Variants in ACBD5 observed in about 807,000 individuals in gnomAD.
ACBD5 encodes acyl-CoA-binding domain-containing protein 5.
ACBD5 carries 40 observed loss-of-function variants against 71.8 expected under a neutral mutation model. That is an observed-to-expected ratio of 0.56 (90% CI 0.43 to 0.72). The LOEUF (loss-of-function observed/expected upper bound fraction) is 0.72, where lower values mean the gene tolerates loss of function less well. Among genes scored for constraint, ACBD5 ranks in the 30% least tolerant of loss-of-function variants. The pLI is 0.00. For missense variants in ACBD5, 559 were observed against 644.5 expected (o/e 0.87, Z 1.44); for synonymous variants, 229 against 218.6 (o/e 1.05, Z -0.42).
intron 5 of ACBD5, among the ~76,000 whole-genome samples, chr10:27,222,532 C>A (rs879634245): frequency 1.3e-4 from 19 of 151,976 alleles, no homozygotes; most frequent in Admixed American, 5.9e-4. Context: ...ATAGTTAAAC[C>A]ACACCCTAAA....
chr10:27,193,833 G>A (rs1364520227), downstream of ACBD5, among the ~76,000 whole-genome samples: 1 of 152,194 alleles, frequency 6.6e-6, no homozygotes, highest in Non-Finnish European at 1.5e-5. Context: ...CGAAGGAAAA[G>A]ACCCAGTTAC....
At chr10:27,236,545 T>C (rs1019491841) in intron 2 of ACBD5, among the ~76,000 whole-genome samples, 2 of 152,160 alleles carry the variant, frequency 1.3e-5, no homozygotes, top group Non-Finnish European at 2.9e-5. Context: ...AAAATAACAA[T>C]TGTAACAAGA....
At chr10:27,228,809 ATATATATTTTTT>A (rs1295923379) in intron 4 of ACBD5, among the ~76,000 whole-genome samples, 60 of 14,830 alleles carry the variant, frequency 4.0e-3, no homozygotes, top group Admixed American at 6.9e-3. Context: ...ATATATATAT[ATATATATTTTTT>A]TTTTTTTTTT....
intron 2 of ACBD5, among the ~76,000 whole-genome samples, chr10:27,236,954 A>G (rs568558296): frequency 6.6e-6 from 1 of 151,618 alleles, no homozygotes; most frequent in Admixed American, 6.6e-5. Context: ...CTAGTGTTTC[A>G]GGTTTGGCCG....
chr10:27,197,288 A>C lies in ACBD5; in HGVS notation c.*142T>G, dbSNP rs566733356. ...TGTGTAGTGCAAAATATATATGTGT[A>C]TATATGTACACAAACTAAACTACTG... is the stretch of plus-strand genomic sequence containing the variant. On this transcript the variant is annotated 3_prime_UTR_variant, in exon 13 of 13. Transcript: ENST00000396271. The C allele has an allele frequency of 1.0e-5, 8 of 767,644 alleles. No homozygotes were observed. The South Asian group carries it at 1.2e-4, about 11-fold the overall frequency. The allele number at this position is 767,644 out of a possible 1,614,324, so 47.6% of individuals were successfully genotyped here.
chr10:27,212,463 C>G (rs969168583), intron 8 of ACBD5, among the ~76,000 whole-genome samples: 1 of 152,002 alleles, frequency 6.6e-6, no homozygotes, highest in African/African-American at 2.4e-5. Flanking sequence ...CCAAATATCT[C>G]TTTTTTAAAA....
chr10:27,226,037 A>G (rs1199834005), intron 4 of ACBD5, among the ~76,000 whole-genome samples: 2 of 152,224 alleles, frequency 1.3e-5, no homozygotes, highest in East Asian at 1.9e-4. Context: ...ATTGGCAGTA[A>G]GCAAATATTA....
rs549477659 is a variant in ACBD5 at position 27,185,695 on chromosome 10, C to G, written c.1494-2980G>C. Reference sequence around the variant, plus strand: ...CCCAGCTACTTGGGAGGCTGAGGCACGAGAACCACTCAACCTGGGAGATGG... The same window carrying G: ...CCCAGCTACTTGGGAGGCTGAGGCAGGAGAACCACTCAACCTGGGAGATGG... On this transcript the variant is annotated intron_variant, in intron 13 of 13. Transcript: ENST00000676511. Among the ~76,000 whole-genome samples, 6 of 144,676 alleles carry G rather than the reference C, an allele frequency of 4.1e-5. No individual in the cohort carries two copies. The East Asian group carries it at 1.0e-3, about 25-fold the overall frequency. 94.9% of individuals were successfully genotyped at this position (144,676 alleles called of 152,430 possible).
chr10:27,236,453 T>TA (rs2064707489), intron 2 of ACBD5, among the ~76,000 whole-genome samples: 1 of 152,222 alleles, frequency 6.6e-6, no homozygotes, highest in African/African-American at 2.4e-5. Flanking sequence ...ATAGTAAGTA[T>TA]ACAAATTATT....
In ACBD5 at chr10:27,240,464, T is replaced by C; in HGVS notation, c.36A>G (p.Glu12=). ...GAATCAGGCAGCAGCAGCACCAGCTTTCCCAAGAGCCTGCATGAAACTGGA... is the reference window on the plus strand; with the variant it reads ...GAATCAGGCAGCAGCAGCACCAGCTCTCCCAAGAGCCTGCATGAAACTGGA... ...LFLSFHAGSW[E]SWCCCCLIPA... Residue 12 remains glutamate (E), a synonymous_variant, in exon 2 of 13, where the codon GAA becomes GAG. Coordinates refer to ENST00000396271, the MANE Select transcript of ACBD5 (RefSeq NM_145698.5). This position sits in a 1 kb window ranked among gnomAD's most constrained non-coding sequence, Gnocchi z 4.1. 6.2e-7 allele frequency: 1 copy of C among 1,612,626 alleles called. No individual in the cohort carries two copies. The highest frequency in any genetic ancestry group is 8.5e-7 in the Non-Finnish European group (1 of 1,179,268).
At chr10:27,185,505 C>T (rs1273200862) in intron 13 of ACBD5, among the ~76,000 whole-genome samples, 1 of 150,254 alleles carries the variant, frequency 6.7e-6, no homozygotes, top group East Asian at 2.0e-4. Flanking sequence ...TGGTGGTACA[C>T]ATCTGTAATC....
intron 4 of ACBD5, among the ~76,000 whole-genome samples, chr10:27,228,743 C>T (rs2063400987): frequency 7.3e-6 from 1 of 136,308 alleles, no homozygotes; most frequent in African/African-American, 2.6e-5. Context: ...TTATGGGACA[C>T]TATCAATTAT....
rs1260875494 is a variant in ACBD5 at position 27,204,443 on chromosome 10, C to T, written c.1562G>A (p.Arg521Lys). The change falls in exon 12 of 13, where the codon AGA (arginine) becomes AAA (lysine). Residue 521 changes from arginine to lysine, a missense_variant. Transcript: ENST00000396271. ...CAAATGATGAAACTGGTCTTACCTT[C>T]TCCTTCTTTGATAGTATAAATACAC... The part of the protein sequence containing the change: ...WLVYLYYQRR[R>K]RKLN The T allele has an allele frequency of 6.2e-7, 1 of 1,609,970 alleles. No individual in the cohort carries two copies. Among genetic ancestry groups the T allele is most frequent in the Non-Finnish European group, 8.5e-7 (1 of 1,176,384 alleles).
downstream of ACBD5, among the ~76,000 whole-genome samples, chr10:27,190,739 G>A (rs1266318414): frequency 6.6e-5 from 10 of 152,156 alleles, no homozygotes; most frequent in South Asian, 4.1e-4. Flanking sequence ...TGTATTGTAC[G>A]GGACAACATT....
intron 6 of ACBD5, 38 bp downstream of exon 6, chr10:27,219,685 T>G (rs201884863): frequency 6.0e-4 from 972 of 1,611,904 alleles, no homozygotes; most frequent in Non-Finnish European, 7.5e-4. Flanking sequence ...TCTTAGTTTA[T>G]TTATTGCAAA....
At position 27,240,365 on chromosome 10, in the gene ACBD5, A is replaced by C. The variant is rs1457781882; in HGVS notation, c.135T>G (p.Thr45=). ...TCACCTTCACGGCCGCCTCAAACCT[A>C]GTCTCGTGCACGGATCTCGTGTCCG... The part of the protein sequence containing the change: ...EMADTRSVHE[T]RFEAAVKVIQ... The change falls in exon 2 of 13, where the codon ACT becomes ACG. Residue 45 remains threonine (T), a synonymous_variant. Coordinates refer to ENST00000396271, the MANE Select transcript of ACBD5 (RefSeq NM_145698.5). The surrounding 1 kb of genome is among the most constrained non-coding windows in gnomAD (Gnocchi z 4.1). 2 of 1,613,782 alleles carry C rather than the reference A, an allele frequency of 1.2e-6. No homozygotes were observed. The highest frequency in any genetic ancestry group is 4.5e-5 in the East Asian group (2 of 44,850).
chr10:27,225,725 G>A (rs1269760888), intron 4 of ACBD5, among the ~76,000 whole-genome samples: 1 of 152,064 alleles, frequency 6.6e-6, no homozygotes, highest in Non-Finnish European at 1.5e-5. Context: ...AATGTTTAAT[G>A]TGACCAAGTC....
chr10:27,208,225 A>G lies in ACBD5; in HGVS notation c.1404+21T>C, dbSNP rs756724312. 7.4e-6 allele frequency: 12 copies of G among 1,611,932 alleles called. No homozygotes were observed. The Admixed American group carries it at 2.0e-4, about 27-fold the overall frequency. Reference sequence around the variant, plus strand: ...CCAGAATCAATAAGCACAAGAAGGTATGATACATTTGGAAGTTTACCTGCA... The same window carrying G: ...CCAGAATCAATAAGCACAAGAAGGTGTGATACATTTGGAAGTTTACCTGCA... On this transcript the variant is annotated intron_variant, in intron 10 of 12. Coordinates refer to ENST00000396271, the MANE Select transcript of ACBD5 (RefSeq NM_145698.5).
chr10:27,193,553 A>C (rs1487990645), downstream of ACBD5: 5 of 152,198 alleles, frequency 3.3e-5, no homozygotes, highest in African/African-American at 9.7e-5. Flanking sequence ...CTTGCCAATG[A>C]GATGTGAGGA....
Sources: allele counts gnomAD v4.1 joint callset (sites outside exome capture counted in the v4.1 genomes callset), GRCh38; gene constraint gnomAD v4.1.1; non-coding constraint Gnocchi (gnomAD v3.1); transcripts MANE v1.5; gene names NCBI Gene and HGNC (gene_info 2026-07-23, HGNC 2026-07-21).